Variants in FHIT observed in about 807,000 individuals in gnomAD.
The protein encoded by FHIT is fragile histidine triad diadenosine triphosphatase, also known as bis(5'-adenosyl)-triphosphatase.
FHIT carries 19 observed loss-of-function variants against 17.9 expected under a neutral mutation model. The observed-to-expected ratio is 1.06, with a 90% confidence interval of 0.74 to 1.56. FHIT has a LOEUF of 1.56. Ranked by LOEUF, FHIT falls within the 40% of genes most tolerant of loss-of-function variation. The probability of loss-of-function intolerance (pLI) is 0.00; values close to 1 mark genes in which losing one functional copy is unlikely to be tolerated. For missense variants in FHIT, 248 were observed against 189.2 expected, an observed-to-expected ratio of 1.31 and a Z score of -1.82; for synonymous variants, 81 against 69.7, an observed-to-expected ratio of 1.16 and a Z score of -0.81.
intron 2 of FHIT, among the ~76,000 whole-genome samples, chr3:61,089,563 G>A (rs914416493): frequency 5.3e-5 from 8 of 151,746 alleles, no homozygotes; most frequent in Non-Finnish European, 5.9e-5. Context: ...GTATACTTCA[G>A]TAAAAAAAAA....
chr3:59,759,027 A>G (rs960890521), intron 8 of FHIT, among the ~76,000 whole-genome samples: 6 of 152,102 alleles, frequency 3.9e-5, no homozygotes, highest in Non-Finnish European at 8.8e-5. Context: ...AACTTTGGGT[A>G]GGGCAGGCTT....
chr3:60,966,104 G>A (rs1709727388), intron 3 of FHIT, among the ~76,000 whole-genome samples: 2 of 152,084 alleles, frequency 1.3e-5, no homozygotes, highest in African/African-American at 4.8e-5. Flanking sequence ...GAGCTTCTAG[G>A]CCGCTTTGTT....
chr3:60,824,203 A>G (rs1195747373), intron 3 of FHIT, among the ~76,000 whole-genome samples: 1 of 152,238 alleles, frequency 6.6e-6, no homozygotes, highest in East Asian at 1.9e-4. Context: ...TCCTGCAGTT[A>G]TCCTGGTGAA....
At chr3:60,570,286 T>C (rs1220154273) in intron 4 of FHIT, among the ~76,000 whole-genome samples, 3 of 152,152 alleles carry the variant, frequency 2.0e-5, no homozygotes, top group Admixed American at 6.6e-5. Context: ...AGAATAATCA[T>C]ACTGAGGACG....
chr3:60,150,406 C>A (rs556337092), intron 5 of FHIT, among the ~76,000 whole-genome samples: 13 of 152,290 alleles, frequency 8.5e-5, no homozygotes, highest in South Asian at 8.3e-4. Flanking sequence ...GGGGATATGG[C>A]AATGATCTCA....
intron 5 of FHIT, among the ~76,000 whole-genome samples, chr3:60,397,794 C>T (rs1010124805): frequency 1.6e-4 from 25 of 152,190 alleles, no homozygotes; most frequent in African/African-American, 5.3e-4. Flanking sequence ...GTTTGGCACA[C>T]TTTCCTCTGA....
chr3:59,841,992 A>G (rs183676322), intron 8 of FHIT, among the ~76,000 whole-genome samples: 2 of 152,238 alleles, frequency 1.3e-5, no homozygotes, highest in Admixed American at 1.3e-4. Context: ...TACAATTGCC[A>G]CCAACCATGT....
intron 5 of FHIT, among the ~76,000 whole-genome samples, chr3:60,131,523 C>A (rs1392471996): frequency 5.9e-5 from 9 of 152,122 alleles, no homozygotes; most frequent in Non-Finnish European, 1.3e-4. Context: ...GTCAAGAAAA[C>A]TGCCTATGCT....
intron 5 of FHIT, among the ~76,000 whole-genome samples, chr3:60,251,274 A>G (rs1705698021): frequency 6.6e-6 from 1 of 152,182 alleles, no homozygotes; most frequent in Non-Finnish European, 1.5e-5. Flanking sequence ...GTAACAGATC[A>G]TGTTGATTTT....
rs77641980 is a variant in FHIT at position 60,038,858 on chromosome 3, C to T, written c.104-24706G>A. 3.3e-3 allele frequency among the ~76,000 whole-genome samples: 495 copies of T among 152,290 alleles called. 2 individuals are homozygous for T. Among genetic ancestry groups the T allele is most frequent in the Admixed American group, 6.7e-3 (102 of 15,300 alleles). ...TTCTACACAAAAAATAAGACACATA[C>T]AATGCCTACAGTTCCGATTGTCTAA... is the stretch of plus-strand genomic sequence containing the variant. On this transcript the variant is annotated intron_variant, in intron 5 of 9. Transcript: ENST00000492590.
chr3:60,527,980 C>G (rs952656118), intron 5 of FHIT, among the ~76,000 whole-genome samples: 1 of 152,198 alleles, frequency 6.6e-6, no homozygotes, highest in Non-Finnish European at 1.5e-5. Flanking sequence ...GAGGATAGAA[C>G]AATTTTTGTT....
chr3:61,034,578 A>T (rs1559926994), intron 3 of FHIT, among the ~76,000 whole-genome samples: 1 of 152,208 alleles, frequency 6.6e-6, no homozygotes, highest in African/African-American at 2.4e-5. Flanking sequence ...AACCACAATG[A>T]CATGCTACTT....
intron 4 of FHIT, among the ~76,000 whole-genome samples, chr3:60,745,569 T>C (rs917695700): frequency 6.6e-6 from 1 of 152,058 alleles, no homozygotes; most frequent in Non-Finnish European, 1.5e-5. Flanking sequence ...AGTTGGCATT[T>C]TGGGGGGACA....
At chr3:59,963,487 A>G (rs1369251657) in intron 7 of FHIT, among the ~76,000 whole-genome samples, 2 of 152,080 alleles carry the variant, frequency 1.3e-5, no homozygotes, top group Admixed American at 6.6e-5. Flanking sequence ...AGAGAGAGAG[A>G]GAGACAGAAA....
intron 5 of FHIT, among the ~76,000 whole-genome samples, chr3:60,067,558 A>T (rs975463696): frequency 3.9e-5 from 6 of 152,180 alleles, no homozygotes; most frequent in African/African-American, 1.4e-4. Context: ...TTGTCAAGAG[A>T]GCCCACAGGT....
At chr3:60,623,363 T>C (rs1040783790) in intron 4 of FHIT, among the ~76,000 whole-genome samples, 21 of 152,196 alleles carry the variant, frequency 1.4e-4, no homozygotes, top group African/African-American at 5.1e-4. Context: ...TGTAAGCCAA[T>C]AGTCCCACTT....
At chr3:60,424,280 A>G (rs1259715844) in intron 5 of FHIT, among the ~76,000 whole-genome samples, 1 of 152,142 alleles carries the variant, frequency 6.6e-6, no homozygotes, top group African/African-American at 2.4e-5. Flanking sequence ...CCTGCGTCTC[A>G]ATACAGAGAG....
chr3:60,217,115 A>C (rs1282811609), intron 5 of FHIT, among the ~76,000 whole-genome samples: 1 of 152,238 alleles, frequency 6.6e-6, no homozygotes, highest in Non-Finnish European at 1.5e-5. Flanking sequence ...ATTTTGTGAC[A>C]TCTGTAAAAT....
At chr3:60,341,745 G>T (rs760884296) in intron 5 of FHIT, among the ~76,000 whole-genome samples, 19 of 152,128 alleles carry the variant, frequency 1.2e-4, no homozygotes, top group Non-Finnish European at 2.4e-4. Flanking sequence ...ATGTTACAGT[G>T]AATTTCTTTT....
Sources: gnomAD v4.1 joint callset for allele counts (sites outside exome capture counted in the v4.1 genomes callset) on GRCh38, gnomAD v4.1.1 for gene constraint, MANE v1.5 for transcripts, NCBI Gene and HGNC (gene_info 2026-07-23, HGNC 2026-07-21) for gene names.